The following ITGBL1 variants were observed in gnomAD, a reference collection of about 807,000 sequenced individuals.
ITGBL1 encodes the protein integrin beta-like protein 1.
Under a neutral mutation model 68.5 loss-of-function variants are expected in ITGBL1, and 51 were observed. That is an observed-to-expected ratio of 0.74 (90% confidence interval 0.59 to 0.94). The LOEUF (loss-of-function observed/expected upper bound fraction) is 0.94. Ranked by LOEUF, ITGBL1 falls within the 40% of genes least tolerant of loss-of-function variation. The probability of loss-of-function intolerance (pLI) is 0.00; values close to 1 mark genes in which losing one functional copy is unlikely to be tolerated. For synonymous variants in ITGBL1, 209 were observed against 227.3 expected (o/e 0.92, Z 0.72); for missense variants, 649 against 647.4 (o/e 1.00, Z -0.03).
At chr13:101,467,976 G>C (rs1023721687) in intron 2 of ITGBL1, among the ~76,000 whole-genome samples, 1 of 152,124 alleles carries the variant, frequency 6.6e-6, no homozygotes, top group Non-Finnish European at 1.5e-5. Flanking sequence ...AGTCAATGGG[G>C]TAGAGTAAGG....
chr13:101,537,560 T>A (rs368355621), intron 2 of ITGBL1, among the ~76,000 whole-genome samples: 6 of 152,126 alleles, frequency 3.9e-5, no homozygotes, highest in Admixed American at 3.3e-4. Flanking sequence ...TCACTTAGCA[T>A]AGAGCAGTAT....
intron 4 of ITGBL1, among the ~76,000 whole-genome samples, chr13:101,578,937 A>T (rs1443669656): frequency 6.6e-6 from 1 of 152,232 alleles, no homozygotes; most frequent in Non-Finnish European, 1.5e-5. Flanking sequence ...CTAATTCAAG[A>T]AACGTCCTTA....
chr13:101,605,557 CAT>C (rs553873020), intron 7 of ITGBL1, among the ~76,000 whole-genome samples: 19 of 150,762 alleles, frequency 1.3e-4, no homozygotes, highest in Middle Eastern at 7.2e-3. Flanking sequence ...CGTATTTAGA[CAT>C]ATGTATATGC....
In ITGBL1 at chr13:101,507,297, A is replaced by G. The variant is rs535713950; in HGVS notation, c.316+53197A>G. On this transcript the variant is annotated intron_variant, in intron 2 of 10. Transcript: ENST00000376180. ...TCTGCTTTACCCCGGCACCAAGGAC[A>G]GTGCTTGGTAGAGTGGATATCCAGA... Among the ~76,000 whole-genome samples the G allele has an allele frequency of 4.6e-5, 7 of 152,304 alleles. No individual in the cohort carries two copies. The South Asian group carries it at 1.5e-3, about 32-fold the overall frequency.
chr13:101,604,506 G>A (rs1369161799), intron 7 of ITGBL1, among the ~76,000 whole-genome samples: 2 of 151,544 alleles, frequency 1.3e-5, no homozygotes, highest in African/African-American at 2.4e-5. Flanking sequence ...ATTTTGCAGG[G>A]AATCATGACA....
chr13:101,679,010 G>C (rs887970018), intron 7 of ITGBL1, among the ~76,000 whole-genome samples: 1 of 150,768 alleles, frequency 6.6e-6, no homozygotes, highest in African/African-American at 2.4e-5. Flanking sequence ...TGGATCAAGC[G>C]ATTCTCCTGC....
At chr13:101,719,998 T>G (rs550893982), downstream of ITGBL1, 17 of 152,296 alleles carry the variant, frequency 1.1e-4, no homozygotes, top group Admixed American at 3.9e-4. Context: ...TTTCTCTATA[T>G]TGGTGAGTAA....
At chr13:101,565,043 G>A (rs2050162337) in intron 2 of ITGBL1, among the ~76,000 whole-genome samples, 1 of 151,944 alleles carries the variant, frequency 6.6e-6, no homozygotes, top group African/African-American at 2.4e-5. Context: ...AGGTCCTCCA[G>A]AACTAACCAA....
chr13:101,640,711 A>G (rs990196248), intron 7 of ITGBL1, among the ~76,000 whole-genome samples: 5 of 152,040 alleles, frequency 3.3e-5, no homozygotes, highest in Non-Finnish European at 7.4e-5. Context: ...TGGGGTAGGA[A>G]TTATCCCATC....
rs2034699522 is a variant in ITGBL1 at position 101,715,877 on chromosome 13, A to G, written c.*223A>G. On this transcript the variant is annotated 3_prime_UTR_variant, in exon 11 of 11. Transcript: ENST00000376180. ...AAAAAGATTCTTCCATAATTAACATAAGTGGTTCCTAACGAGAGCAATTTT... is the reference window on the plus strand; with the variant it reads ...AAAAAGATTCTTCCATAATTAACATGAGTGGTTCCTAACGAGAGCAATTTT... 1 of 435,090 alleles carries G rather than the reference A, an allele frequency of 2.3e-6. No homozygotes were observed. Among genetic ancestry groups the G allele is most frequent in the South Asian group, 3.1e-5 (1 of 32,120 alleles). The allele number at this position is 435,090 out of a possible 1,614,324, so 27.0% of individuals were successfully genotyped here.
intron 6 of ITGBL1, among the ~76,000 whole-genome samples, chr13:101,583,978 G>A (rs1488949565): frequency 1.3e-5 from 2 of 152,138 alleles, no homozygotes; most frequent in Non-Finnish European, 2.9e-5. Flanking sequence ...CAATGAACAG[G>A]ATAGTTATCA....
chr13:101,498,299 A>G (rs1012450850), intron 2 of ITGBL1, among the ~76,000 whole-genome samples: 2 of 152,148 alleles, frequency 1.3e-5, no homozygotes, highest in Non-Finnish European at 2.9e-5. Context: ...GCAGATGTGA[A>G]CAAGCTTTTT....
intron 2 of ITGBL1, among the ~76,000 whole-genome samples, chr13:101,472,376 A>C (rs1402088606): frequency 6.6e-6 from 1 of 152,230 alleles, no homozygotes; most frequent in South Asian, 2.1e-4. Context: ...ATGCACATTC[A>C]GTAAGCTGCT....
chr13:101,533,700 A>G lies in ITGBL1; in HGVS notation c.317-33999A>G, dbSNP rs1030155933. ...GATATTAAACTTTATAACAGAGAAG[A>G]CTTTGCAGCAGGTAATTGAGTATTA... On this transcript the variant is annotated intron_variant, in intron 2 of 10. Coordinates refer to ENST00000376180, the MANE Select transcript of ITGBL1 (RefSeq NM_004791.3). Among the ~76,000 whole-genome samples the G allele has an allele frequency of 3.3e-5, 5 of 152,236 alleles. No homozygotes were observed. In the South Asian group the frequency reaches 1.0e-3, roughly 31 times the overall value.
intron 2 of ITGBL1, among the ~76,000 whole-genome samples, chr13:101,543,901 C>T (rs2049763334): frequency 6.6e-6 from 1 of 152,174 alleles, no homozygotes; most frequent in Admixed American, 6.5e-5. Context: ...TTTTCAGCTC[C>T]ATCGGGTCCT....
intron 7 of ITGBL1, among the ~76,000 whole-genome samples, chr13:101,606,114 A>C (rs201907925): frequency 0.21 from 23,874 of 112,926 alleles, 2,269 homozygotes; most frequent in African/African-American, 0.34. Flanking sequence ...CTCTCTCTCT[A>C]TATATATATA....
intron 7 of ITGBL1, among the ~76,000 whole-genome samples, chr13:101,605,084 G>A (rs1294048123): frequency 2.2e-4 from 31 of 143,452 alleles, no homozygotes; most frequent in African/African-American, 7.8e-4. Context: ...ACATATATGC[G>A]TATATGTGTA....
chr13:101,668,181 A>G (rs2033269129), intron 7 of ITGBL1, among the ~76,000 whole-genome samples: 1 of 152,182 alleles, frequency 6.6e-6, no homozygotes, highest in South Asian at 2.1e-4. Flanking sequence ...TGAGGTCAAG[A>G]GTTCGAGACC....
chr13:101,583,141 A>T, intron 5 of ITGBL1, 75 bp from the exon 6 acceptor site: 1 of 1,421,312 alleles, frequency 7.0e-7, no homozygotes, highest in South Asian at 1.2e-5. Context: ...ACAGAAAATA[A>T]TAAGCGATAT....
Sources: allele counts gnomAD v4.1 joint callset (sites outside exome capture counted in the v4.1 genomes callset), GRCh38; gene constraint gnomAD v4.1.1; transcripts MANE v1.5; gene names NCBI Gene and HGNC (gene_info 2026-07-23, HGNC 2026-07-21).